The following RGS7 variants were observed in gnomAD, a reference collection of about 807,000 sequenced individuals.
The protein encoded by RGS7 is regulator of G protein signaling 7, also known as regulator of G-protein signaling 7.
In RGS7, 27 loss-of-function variants were observed where a neutral mutation model predicts 81.1. The ratio of observed to expected loss-of-function variants is 0.33; its 90% CI spans 0.25 to 0.46. The LOEUF is 0.46. RGS7 is among the 20% of genes least tolerant of loss of function. RGS7 has a pLI of 1.00. For synonymous variants in RGS7, 208 were observed against 207.7 expected (o/e 1.00, Z -0.01); for missense variants, 396 against 607.4 (o/e 0.65, Z 3.66).
chr1:241,040,264 C>G lies in RGS7; in HGVS notation c.176-57135G>C, dbSNP rs184198719. ...GATAGAGCCACCAGAAAAGAAAAATCATGTATGCTGTAACCACTAGACCAA... is the reference window on the plus strand; with the variant it reads ...GATAGAGCCACCAGAAAAGAAAAATGATGTATGCTGTAACCACTAGACCAA... On this transcript the variant is annotated intron_variant, in intron 3 of 18. Coordinates refer to ENST00000440928, the MANE Select transcript of RGS7 (RefSeq NM_001364886.1). Among the ~76,000 whole-genome samples, 878 of 152,260 alleles carry G rather than the reference C, an allele frequency of 5.8e-3. 11 individuals carry two copies. The highest frequency in any genetic ancestry group is 0.02 in the African/African-American group (835 of 41,558).
chr1:241,248,779 C>T (rs1453073841), intron 2 of RGS7, among the ~76,000 whole-genome samples: 6 of 152,130 alleles, frequency 3.9e-5, no homozygotes, highest in South Asian at 2.1e-4. Flanking sequence ...CCCTCCTTTT[C>T]GGATGAGTGG....
downstream of RGS7, among the ~76,000 whole-genome samples, chr1:240,774,782 T>G (rs1438211492): frequency 1.3e-5 from 2 of 152,194 alleles, no homozygotes; most frequent in African/African-American, 2.4e-5. Flanking sequence ...CATCACACAG[T>G]CGGCCCTCCT....
intron 2 of RGS7, among the ~76,000 whole-genome samples, chr1:241,251,118 C>T (rs912197325): frequency 2.8e-4 from 42 of 152,300 alleles, no homozygotes; most frequent in African/African-American, 1.0e-3. Context: ...TATCTACACA[C>T]TTTTAAAATA....
At chr1:241,072,408 C>T (rs538298205) in intron 3 of RGS7, among the ~76,000 whole-genome samples, 1 of 152,264 alleles carries the variant, frequency 6.6e-6, no homozygotes, top group South Asian at 2.1e-4. Flanking sequence ...CATCCACCTC[C>T]CTATCTTGCA....
chr1:241,113,992 T>A (rs2065713196), intron 2 of RGS7, among the ~76,000 whole-genome samples: 1 of 152,210 alleles, frequency 6.6e-6, no homozygotes, highest in African/African-American at 2.4e-5. Flanking sequence ...TTCTTCAGGA[T>A]AAATATTAGT....
chr1:241,146,743 T>C lies in RGS7; in HGVS notation c.79-47981A>G, dbSNP rs747972065. ...GCGGCTATAACAAAATACCATAGAC[T>C]GAGTGTCTTATACACAACAGGAATG... On this transcript the variant is annotated intron_variant, in intron 2 of 18. Coordinates refer to ENST00000440928, the MANE Select transcript of RGS7 (RefSeq NM_001364886.1). Among the ~76,000 whole-genome samples the C allele has an allele frequency of 2.0e-5, 3 of 152,208 alleles. No individual in the cohort carries two copies. In the South Asian group the frequency reaches 6.2e-4, roughly 32 times the overall value.
intron 3 of RGS7, among the ~76,000 whole-genome samples, chr1:241,057,577 T>C (rs1426014601): frequency 1.6e-4 from 1 of 6,362 alleles, no homozygotes; most frequent in African/African-American, 1.7e-4. Flanking sequence ...TTCAAACTCT[T>C]ATTCTTCTTA....
chr1:241,030,341 G>GT (rs2060003916), intron 3 of RGS7, among the ~76,000 whole-genome samples: 1 of 97,564 alleles, frequency 1.0e-5, no homozygotes, highest in Admixed American at 1.1e-4. Flanking sequence ...GAGTTGCTTT[G>GT]TTTTTTCCAG....
chr1:241,154,890 C>CA (rs1417792960), intron 2 of RGS7, among the ~76,000 whole-genome samples: 3 of 149,740 alleles, frequency 2.0e-5, no homozygotes, highest in Non-Finnish European at 4.4e-5. Flanking sequence ...GAGCAACCTG[C>CA]AAAAAAATAA....
chr1:240,917,504 G>A (rs1283059802), intron 6 of RGS7, among the ~76,000 whole-genome samples: 1 of 152,122 alleles, frequency 6.6e-6, no homozygotes, highest in Non-Finnish European at 1.5e-5. Context: ...ACTCTGTTAT[G>A]GGATAGTTGC....
At chr1:241,215,017 T>A (rs2074464822) in intron 2 of RGS7, among the ~76,000 whole-genome samples, 1 of 152,186 alleles carries the variant, frequency 6.6e-6, no homozygotes, top group African/African-American at 2.4e-5. Context: ...TCAGAAATAT[T>A]TCTGTAAAAT....
chr1:241,004,023 T>C, intron 3 of RGS7, among the ~76,000 whole-genome samples: 1 of 152,146 alleles, frequency 6.6e-6, no homozygotes, highest in East Asian at 1.9e-4. Flanking sequence ...GCCACTCACC[T>C]GATTATTAAA....
intron 2 of RGS7, among the ~76,000 whole-genome samples, chr1:241,170,521 G>A (rs543820147): frequency 6.6e-6 from 1 of 152,196 alleles, no homozygotes; most frequent in South Asian, 2.1e-4. Flanking sequence ...AATCTCTTAC[G>A]CATTTATTTT....
chr1:240,799,253 T>TTGTGTGTG (rs143900617), intron 18 of RGS7, among the ~76,000 whole-genome samples: 48 of 59,254 alleles, frequency 8.1e-4, no homozygotes, highest in African/African-American at 1.1e-3. Flanking sequence ...TTATTATGGT[T>TTGTGTGTG]TGTGTGTGTG....
At chr1:240,998,549 G>A in intron 3 of RGS7, 1 of 865,504 alleles carries the variant, frequency 1.2e-6, no homozygotes, top group Non-Finnish European at 1.9e-6. Flanking sequence ...AGCAGAGGCG[G>A]GCAGAAGCTC....
chr1:240,950,927 C>CTT (rs202229784), intron 4 of RGS7, among the ~76,000 whole-genome samples: 2,764 of 146,116 alleles, frequency 0.019, 39 homozygotes, highest in South Asian at 0.038. Context: ...TTCTCTCTCT[C>CTT]TTTTTTTTTT....
chr1:240,915,228 C>T (rs1365740109), intron 6 of RGS7, among the ~76,000 whole-genome samples: 1 of 152,126 alleles, frequency 6.6e-6, no homozygotes, highest in East Asian at 1.9e-4. Context: ...ATAGCAGAGC[C>T]TAAACCACCG....
Position 240,775,958 on chromosome 1 carries a change from G to T in RGS7, c.*262C>A. 1 of 592,494 alleles carries T rather than the reference G, an allele frequency of 1.7e-6. No individual in the cohort carries two copies. Among genetic ancestry groups the T allele is most frequent in the Non-Finnish European group, 3.1e-6 (1 of 323,066 alleles). 36.7% of individuals were successfully genotyped at this position (592,494 alleles called of 1,614,324 possible). On this transcript the variant is annotated 3_prime_UTR_variant, in exon 19 of 19. Coordinates refer to ENST00000440928, the MANE Select transcript of RGS7 (RefSeq NM_001364886.1). ...GAGACACAGATCCAGCATAGTAGAA[G>T]GAGAAAGAAAGCAGACAACAGTTTG... is the stretch of plus-strand genomic sequence containing the variant.
intron 12 of RGS7, 121 bp from the exon 13 acceptor site, chr1:240,813,849 A>C (rs2103107427): frequency 1.4e-6 from 1 of 705,180 alleles, no homozygotes; most frequent in African/African-American, 1.8e-5. Context: ...TAAAGCATGA[A>C]ATCCAATGGC....
Sources: gnomAD v4.1 joint callset for allele counts (sites outside exome capture counted in the v4.1 genomes callset) on GRCh38, gnomAD v4.1.1 for gene constraint, MANE v1.5 for transcripts, NCBI Gene and HGNC (gene_info 2026-07-23, HGNC 2026-07-21) for gene names.